The following FAM3C variants were observed in gnomAD, a reference collection of about 807,000 sequenced individuals.
The protein encoded by FAM3C is protein FAM3C.
In FAM3C, 15 loss-of-function variants were observed where a neutral mutation model predicts 32.5. The observed-to-expected ratio is 0.46, with a 90% confidence interval of 0.31 to 0.71. FAM3C has a LOEUF of 0.71. Among genes scored for constraint, FAM3C ranks in the 30% least tolerant of loss-of-function variants. The pLI is 0.05. For synonymous variants in FAM3C, 75 were observed against 86.1 expected (o/e 0.87, Z 0.72); for missense variants, 175 against 274.4 (o/e 0.64, Z 2.56).
intron 5 of FAM3C, 173 bp from the exon 6 acceptor site, chr7:121,364,361 A>G: frequency 1.2e-5 from 6 of 496,182 alleles, no homozygotes. Context: ...TCTAATACTG[A>G]ATAATTTTAA....
At chr7:121,369,391 AATAAATG>A (rs1794096839) in intron 5 of FAM3C, among the ~76,000 whole-genome samples, 1 of 152,212 alleles carries the variant, frequency 6.6e-6, no homozygotes, top group African/African-American at 2.4e-5. Flanking sequence ...TGAACAGGTG[AATAAATG>A]ACTCTCAGAA....
intron 7 of FAM3C, among the ~76,000 whole-genome samples, chr7:121,361,537 A>AGATT (rs1793922091): frequency 6.6e-6 from 1 of 152,222 alleles, no homozygotes. Context: ...CAGCTTTGTA[A>AGATT]GACTCTTTCT....
chr7:121,369,795 C>G (rs533581659), intron 5 of FAM3C, among the ~76,000 whole-genome samples: 1 of 152,276 alleles, frequency 6.6e-6, no homozygotes, highest in South Asian at 2.1e-4. Context: ...CCATCCTAGA[C>G]AGAAGAGTAT....
At chr7:121,352,688 C>A (rs1195885928) in intron 8 of FAM3C, among the ~76,000 whole-genome samples, 2 of 152,198 alleles carry the variant, frequency 1.3e-5, no homozygotes, top group African/African-American at 4.8e-5. Flanking sequence ...TTTCCTGTGC[C>A]CATCCTTACA....
chr7:121,358,820 T>C (rs1793865153), intron 8 of FAM3C, among the ~76,000 whole-genome samples: 1 of 151,870 alleles, frequency 6.6e-6, no homozygotes, highest in Non-Finnish European at 1.5e-5. Context: ...ATTCTAAAAT[T>C]CAAAAAGCAC....
At chr7:121,392,428 G>T (rs1412220029) in intron 1 of FAM3C, among the ~76,000 whole-genome samples, 2 of 152,114 alleles carry the variant, frequency 1.3e-5, no homozygotes, top group Non-Finnish European at 1.5e-5. Context: ...AAAACCATCA[G>T]ATCTTGTAAG....
At chr7:121,357,498 TA>T (rs1793837842) in intron 8 of FAM3C, among the ~76,000 whole-genome samples, 1 of 152,048 alleles carries the variant, frequency 6.6e-6, no homozygotes, top group African/African-American at 2.4e-5. Flanking sequence ...CCTGCCAAGA[TA>T]AAAGGGTTAT....
chr7:121,362,925 G>T lies in FAM3C; in HGVS notation c.354C>A (p.Asp118Glu). The T allele has an allele frequency of 6.5e-7, 1 of 1,536,878 alleles. No homozygotes were observed. The highest frequency in any genetic ancestry group is 9.0e-7 in the Non-Finnish European group (1 of 1,115,866). The change falls in exon 7 of 10, where the codon GAC becomes GAA. Residue 118 changes from aspartate (D) to glutamate (E), a missense_variant. Coordinates refer to ENST00000359943, the MANE Select transcript of FAM3C (RefSeq NM_014888.3). ...CTCCCCACATGTCAAAATATTTAGT[G>T]TCTAATACTTCTCCTGTTTTTCCTA... ...LANGKTGEVL[D>E]TKYFDMWGGD...
At chr7:121,372,406 T>C (rs1031729004) in intron 3 of FAM3C, among the ~76,000 whole-genome samples, 3 of 152,322 alleles carry the variant, frequency 2.0e-5, no homozygotes, top group African/African-American at 7.2e-5. Context: ...TTAGTTACTA[T>C]ATATTTAAAT....
At chr7:121,388,226 C>G (rs1278531990) in intron 1 of FAM3C, among the ~76,000 whole-genome samples, 1 of 113,328 alleles carries the variant, frequency 8.8e-6, no homozygotes, top group East Asian at 2.4e-4. Context: ...TAAAAGAAAC[C>G]ACCATTTTAA....
chr7:121,373,975 G>A (rs1217238462), intron 3 of FAM3C, among the ~76,000 whole-genome samples: 4 of 143,260 alleles, frequency 2.8e-5, no homozygotes, highest in East Asian at 2.0e-4. Flanking sequence ...CAGCCTGGGC[G>A]ACAGAGCAAG....
At chr7:121,379,550 T>C (rs528688924) in intron 2 of FAM3C, among the ~76,000 whole-genome samples, 1 of 152,210 alleles carries the variant, frequency 6.6e-6, no homozygotes, top group Admixed American at 6.5e-5. Context: ...CAACAAAGCC[T>C]TCCTCTTCAT....
intron 2 of FAM3C, 80 bp downstream of exon 2, chr7:121,382,877 T>G: frequency 1.9e-6 from 2 of 1,063,692 alleles, no homozygotes; most frequent in Non-Finnish European, 2.8e-6. Flanking sequence ...ATAAAGATTA[T>G]TTAACCTCTC....
In FAM3C at chr7:121,364,152, C is replaced by T; in HGVS notation, c.309G>A (p.Gly103=). 2 of 1,602,610 alleles carry T rather than the reference C, an allele frequency of 1.2e-6. No individual in the cohort carries two copies. Among genetic ancestry groups the T allele is most frequent in the Non-Finnish European group, 8.5e-7 (1 of 1,169,978 alleles). ...MSGVKNNVGR[G]INVALANGKT... Reference sequence around the variant, plus strand: ...TACCATTTGCCAAGGCAACATTGATCCCTCTTCCAACATTATTCTTAACAC... The same window carrying T: ...TACCATTTGCCAAGGCAACATTGATTCCTCTTCCAACATTATTCTTAACAC... Residue 103 remains glycine, a synonymous_variant, in exon 6 of 10, where the codon GGG becomes GGA. Transcript: ENST00000359943.
chr7:121,392,148 A>G (rs939343596), intron 1 of FAM3C, among the ~76,000 whole-genome samples: 1 of 152,198 alleles, frequency 6.6e-6, no homozygotes, highest in African/African-American at 2.4e-5. Flanking sequence ...TCAATTCATG[A>G]ATTGTTTGTT....
intron 1 of FAM3C, among the ~76,000 whole-genome samples, chr7:121,390,853 CGGGG>C (rs58750532): frequency 2.7e-4 from 2 of 7,462 alleles, no homozygotes; most frequent in African/African-American, 5.0e-4. Context: ...CTGTGTGGGG[CGGGG>C]GGGGGGGGGG....
At chr7:121,350,760 T>A (rs931898424) in intron 9 of FAM3C, among the ~76,000 whole-genome samples, 1 of 152,196 alleles carries the variant, frequency 6.6e-6, no homozygotes, top group Admixed American at 6.5e-5. Flanking sequence ...ACATTGCACG[T>A]GCTTTTAAAG....
At chr7:121,387,402 C>T (rs1278907671) in intron 1 of FAM3C, among the ~76,000 whole-genome samples, 1 of 152,174 alleles carries the variant, frequency 6.6e-6, no homozygotes, top group Admixed American at 6.5e-5. Flanking sequence ...ACAACTTCCA[C>T]ATGGCTTTGA....
chr7:121,357,550 C>T (rs1226263732), intron 8 of FAM3C, among the ~76,000 whole-genome samples: 10 of 152,016 alleles, frequency 6.6e-5, no homozygotes, highest in African/African-American at 2.4e-4. Context: ...AGGATGTTGT[C>T]CATTTCAGTA....
Sources: allele counts gnomAD v4.1 joint callset (sites outside exome capture counted in the v4.1 genomes callset), GRCh38; gene constraint gnomAD v4.1.1; transcripts MANE v1.5; gene names NCBI Gene and HGNC (gene_info 2026-07-23, HGNC 2026-07-21).